TTLL3: variants seen among roughly 807,000 people sequenced by gnomAD.
The protein encoded by TTLL3 is tubulin monoglycylase TTLL3.
TTLL3 carries 63 observed loss-of-function variants against 75.2 expected under a neutral mutation model. That is an observed-to-expected ratio of 0.84 (90% CI 0.68 to 1.03). The LOEUF (loss-of-function observed/expected upper bound fraction) is 1.03. TTLL3 is among the 50% of genes least tolerant of loss of function. The probability of loss-of-function intolerance (pLI) is 0.00; values close to 1 mark genes in which losing one functional copy is unlikely to be tolerated. For synonymous variants in TTLL3, 393 were observed against 418.5 expected (o/e 0.94, Z 0.74); for missense variants, 997 against 1,069.9 (o/e 0.93, Z 0.95).
At chr3:9,831,763 A>C (rs1215255542) in intron 11 of TTLL3, among the ~76,000 whole-genome samples, 3 of 149,848 alleles carry the variant, frequency 2.0e-5, no homozygotes, top group African/African-American at 7.4e-5. Context: ...ATCTGGGGCT[A>C]CTTGGGAGTG....
chr3:9,830,810 CTTTTT>C (rs879759786), intron 11 of TTLL3, among the ~76,000 whole-genome samples: 2 of 149,966 alleles, frequency 1.3e-5, no homozygotes, highest in Non-Finnish European at 3.0e-5. Flanking sequence ...CCCCAAATAT[CTTTTT>C]TTTTTGAGAC....
Position 9,818,809 on chromosome 3 carries a change from G to A in TTLL3, c.560-13G>A, listed in dbSNP as rs369051624. ...CTAGGGGCTGAGCAGGGTATCCCCT[G>A]GCCTGGGAGCAGAGGACTTCTGGCT... is the stretch of plus-strand genomic sequence containing the variant. On this transcript the variant is annotated splice_polypyrimidine_tract_variant and intron_variant, in intron 6 of 13. Transcript: ENST00000685419. 5 of 1,613,916 alleles carry A rather than the reference G, an allele frequency of 3.1e-6. No homozygotes were observed. In the South Asian group the frequency reaches 4.4e-5, roughly 14 times the overall value.
chr3:9,814,115 C>T (rs1035327794), intron 4 of TTLL3, among the ~76,000 whole-genome samples: 2 of 151,880 alleles, frequency 1.3e-5, no homozygotes, highest in Middle Eastern at 3.4e-3. Flanking sequence ...GCCTGGCCAA[C>T]GTGGTGAAAA....
chr3:9,818,519 C>T (rs1184035405), intron 6 of TTLL3: 1 of 440,434 alleles, frequency 2.3e-6, no homozygotes, highest in Non-Finnish European at 3.3e-6. Context: ...CAGGCGCCCG[C>T]CATCACGCCT....
In TTLL3 at chr3:9,835,166, C is replaced by G; in HGVS notation, c.2125C>G (p.Gln709Glu). 1 of 1,614,216 alleles carries G rather than the reference C, an allele frequency of 6.2e-7. No homozygotes were observed. The highest frequency in any genetic ancestry group is 1.3e-5 in the African/African-American group (1 of 75,070). The change falls in exon 14 of 14, where the codon CAA becomes GAA. Residue 709 changes from glutamine (Q) to glutamate (E), a missense_variant. Coordinates refer to ENST00000685419, the MANE Select transcript of TTLL3 (RefSeq NM_001387446.1). ...PCCLCPLKSE[Q>E]FLAPVGRSRP... ...TTGCCTCTGCCCTTTGAAGTCGGAA[C>G]AATTCCTAGCACCTGTCGGAAGGTC...
intron 4 of TTLL3, 26 bp downstream of exon 4, chr3:9,813,371 T>C (rs2079525024): frequency 1.2e-6 from 2 of 1,612,790 alleles, no homozygotes; most frequent in African/African-American, 2.7e-5. Flanking sequence ...GCCAAGATGA[T>C]ACAGGGACTG....
chr3:9,813,247 G>C lies in TTLL3; in HGVS notation c.218-1G>C. ...ATCAGCTCTGGGCTCTGCATCCACA[G>C]AGGATGAAGATGAGGACGAGGAGTT... On this transcript the variant is annotated splice_acceptor_variant, in intron 3 of 13. Coordinates refer to ENST00000685419, the MANE Select transcript of TTLL3 (RefSeq NM_001387446.1). LOFTEE classifies it high-confidence loss of function. 6.2e-7 allele frequency: 1 copy of C among 1,614,248 alleles called. No individual in the cohort carries two copies. Among genetic ancestry groups the C allele is most frequent in the Non-Finnish European group, 8.5e-7 (1 of 1,180,034 alleles).
chr3:9,817,779 T>A lies in TTLL3; in HGVS notation c.559+20T>A. ...TCATAGGTAAGGAGACCCCCAGCCC[T>A]ATGCCTGAACCTCAGGCTGACAGAG... On this transcript the variant is annotated intron_variant, in intron 6 of 13. Coordinates refer to ENST00000685419, the MANE Select transcript of TTLL3 (RefSeq NM_001387446.1). The A allele has an allele frequency of 1.2e-6, 2 of 1,614,020 alleles. No homozygotes were observed. The highest frequency in any genetic ancestry group is 1.7e-4 in the Middle Eastern group (1 of 6,038).
chr3:9,834,755 G>T lies in TTLL3; in HGVS notation c.1900G>T (p.Val634Phe). The T allele has an allele frequency of 6.2e-7, 1 of 1,614,212 alleles. No homozygotes were observed. Among genetic ancestry groups the T allele is most frequent in the Non-Finnish European group, 8.5e-7 (1 of 1,180,040 alleles). Reference protein sequence around the residue: ...SPHVLRHQGQVLRRQHSKLVG... With the variant: ...SPHVLRHQGQFLRRQHSKLVG... ...CCATGTACTCCGACACCAGGGCCAG[G>T]TCCTCAGACGACAGCACAGCAAGCT... is the stretch of plus-strand genomic sequence containing the variant. Residue 634 changes from valine to phenylalanine, a missense_variant, in exon 13 of 14, where the codon GTC (valine) becomes TTC (phenylalanine). Transcript: ENST00000685419.
At chr3:9,834,388 C>A in intron 12 of TTLL3, 1 of 603,168 alleles carries the variant, frequency 1.7e-6, no homozygotes, top group Non-Finnish European at 3.1e-6. Flanking sequence ...GTGTTTACAC[C>A]AACCTAGCAA....
At chr3:9,828,419 T>C (rs967954174) in intron 10 of TTLL3, 2 of 153,726 alleles carry the variant, frequency 1.3e-5, no homozygotes, top group African/African-American at 4.8e-5. Flanking sequence ...TATTGAGTGC[T>C]TCATATGTGA....
chr3:9,832,565 A>G (rs1430857524), intron 11 of TTLL3, among the ~76,000 whole-genome samples: 1 of 152,166 alleles, frequency 6.6e-6, no homozygotes, highest in African/African-American at 2.4e-5. Context: ...AGGAACTGAG[A>G]GTTGTAAGGG....
At chr3:9,810,116 T>C (rs1047582196), upstream of TTLL3, 4 of 1,465,854 alleles carry the variant, frequency 2.7e-6, no homozygotes, top group Non-Finnish European at 3.6e-6. The surrounding 1 kb of genome is among the most constrained non-coding windows in gnomAD (Gnocchi z 4.4). Context: ...TGCAACTGGC[T>C]GCGGAAGCCG....
intron 7 of TTLL3, chr3:9,819,340 C>A: frequency 4.4e-6 from 1 of 228,772 alleles, no homozygotes; most frequent in Non-Finnish European, 7.9e-6. Context: ...TTCAGGCCAT[C>A]CACTCATCCA....
chr3:9,830,128 C>A (rs1037655775), intron 11 of TTLL3, among the ~76,000 whole-genome samples: 1 of 152,194 alleles, frequency 6.6e-6, no homozygotes, highest in Non-Finnish European at 1.5e-5. Context: ...CAGGCAGAAG[C>A]CACCGTGCCC....
intron 7 of TTLL3, chr3:9,819,924 G>A (rs1335709689): frequency 1.0e-6 from 1 of 985,836 alleles, no homozygotes. Context: ...AGGGGTTTGA[G>A]GGCCTCAGTT....
At chr3:9,814,205 A>G (rs1388327667) in intron 4 of TTLL3, among the ~76,000 whole-genome samples, 1 of 152,140 alleles carries the variant, frequency 6.6e-6, no homozygotes, top group East Asian at 1.9e-4. Context: ...CTGTGGTGGC[A>G]GGCGCCTGTA....
At position 9,820,678 on chromosome 3, in the gene TTLL3, C is replaced by T. The variant is rs748027775; in HGVS notation, c.791C>T (p.Ala264Val). The T allele has an allele frequency of 4.3e-6, 7 of 1,614,032 alleles. No individual in the cohort carries two copies. The East Asian group carries it at 1.3e-4, about 31-fold the overall frequency. ...AHMDIDKDLE[A>V]PLYLTPEGWS... ...ATGGACATCGACAAGGACCTGGAGG[C>T]CCCGCTGTACCTCACCCCCGAGGGC... is the stretch of plus-strand genomic sequence containing the variant. Residue 264 changes from alanine to valine, a missense_variant, in exon 8 of 14, where the codon GCC becomes GTC. By Grantham distance (64) the Ala-to-Val change is moderately conservative. Transcript: ENST00000685419.
rs1373270817 is a variant in TTLL3 at position 9,810,670 on chromosome 3, G to A, written c.9G>A (p.Arg3=). 2 of 1,585,710 alleles carry A rather than the reference G, an allele frequency of 1.3e-6. No individual in the cohort carries two copies. Among genetic ancestry groups the A allele is most frequent in the East Asian group, 2.3e-5 (1 of 44,050 alleles). The change falls in exon 2 of 14, where the codon CGG becomes CGA. Residue 3 remains arginine, a synonymous_variant. Coordinates refer to ENST00000685419, the MANE Select transcript of TTLL3 (RefSeq NM_001387446.1). This position sits in a 1 kb window ranked among gnomAD's most constrained non-coding sequence, Gnocchi z 4.4. MN[R]LRNAKIYVER... ...CCTCCAAGGCGTCTCACATGAACCG[G>A]CTCAGAAACGCCAAAATCTACGTGG...
Sources: allele counts gnomAD v4.1 joint callset (sites outside exome capture counted in the v4.1 genomes callset), GRCh38; gene constraint gnomAD v4.1.1; non-coding constraint Gnocchi (gnomAD v3.1); transcripts MANE v1.5; gene names NCBI Gene and HGNC (gene_info 2026-07-23, HGNC 2026-07-21).